Variants in PPP2R2D observed in about 807,000 individuals in gnomAD.
PPP2R2D encodes protein phosphatase 2 regulatory subunit Bdelta.
In PPP2R2D, 9 loss-of-function variants were observed where a neutral mutation model predicts 31.1. The ratio of observed to expected loss-of-function variants is 0.29; its 90% CI spans 0.17 to 0.51. The LOEUF is 0.51. Among genes scored for constraint, PPP2R2D ranks in the 20% least tolerant of loss-of-function variants. The pLI, the probability that PPP2R2D is intolerant of heterozygous loss-of-function variation, is 0.98. For missense variants in PPP2R2D, 391 were observed against 465.6 expected (o/e 0.84, Z 1.48); for synonymous variants, 179 against 172.6 (o/e 1.04, Z -0.29).
intron 2 of PPP2R2D, 115 bp downstream of exon 2, chr10:131,901,445 G>A: frequency 3.1e-6 from 1 of 327,464 alleles, no homozygotes; most frequent in Admixed American, 4.9e-5. Flanking sequence ...ATGGGGGCCG[G>A]GCGGGGCAGG....
intron 3 of PPP2R2D, 47 bp from the exon 4 acceptor site, chr10:131,939,984 C>A: frequency 1.9e-6 from 1 of 528,442 alleles, no homozygotes. Context: ...GAAATTTTCT[C>A]TACACTGTGC....
chr10:131,912,368 G>C (rs1589923579), intron 2 of PPP2R2D: 1 of 152,180 alleles, frequency 6.6e-6, no homozygotes, highest in Non-Finnish European at 1.5e-5. Flanking sequence ...TCTATTTTTT[G>C]TAGAGACAGG....
At chr10:131,970,265 AGACCCTCCACCTACAGCAGAGCTGGGT>A in the PPP2R2D span, 1 of 207,076 alleles carries the variant, frequency 4.8e-6, no homozygotes, top group Non-Finnish European at 9.5e-6. The surrounding 1 kb of genome is among the most constrained non-coding windows in gnomAD (Gnocchi z 4.1). Context: ...CAGGTAACTG[AGACCCTCCACCTACAGCAGAGCTGGGT>A]GCATTCCCGC....
At position 131,953,252 on chromosome 10, in the gene PPP2R2D, G is replaced by C. The variant is rs1389190566; in HGVS notation, c.1083-2432G>C. The stretch of plus-strand genomic sequence containing the variant: ...TTCACTGTCTTAGCAGTGACTTGCG[G>C]GGGGGTCCCTGTCTTAGCAGTGACT... On this transcript the variant is annotated intron_variant, in intron 8 of 8. Coordinates refer to ENST00000455566, the MANE Select transcript of PPP2R2D (RefSeq NM_018461.5). Among the ~76,000 whole-genome samples, 4 of 104,428 alleles carry C rather than the reference G, an allele frequency of 3.8e-5. No individual in the cohort carries two copies. The East Asian group carries it at 1.4e-3, about 36-fold the overall frequency. 68.5% of individuals were successfully genotyped at this position (104,428 alleles called of 152,430 possible).
At chr10:131,908,495 G>A (rs2035632979) in intron 2 of PPP2R2D, among the ~76,000 whole-genome samples, 1 of 152,124 alleles carries the variant, frequency 6.6e-6, no homozygotes, top group Non-Finnish European at 1.5e-5. Flanking sequence ...TTTATCACAT[G>A]TATTATTAGG....
intron 5 of PPP2R2D, 120 bp downstream of exon 5, chr10:131,940,814 G>C (rs913067975): frequency 5.1e-6 from 3 of 587,240 alleles, no homozygotes; most frequent in Non-Finnish European, 9.3e-6. Flanking sequence ...GGTCTGCCTC[G>C]TGATTCCTGA....
At chr10:131,905,585 G>A (rs1056212844) in intron 2 of PPP2R2D, among the ~76,000 whole-genome samples, 1 of 152,174 alleles carries the variant, frequency 6.6e-6, no homozygotes, top group Admixed American at 6.5e-5. Flanking sequence ...GTTGCTGAGT[G>A]GTCATTCTGT....
At chr10:131,917,812 G>GTGTT (rs1247706037) in intron 2 of PPP2R2D, among the ~76,000 whole-genome samples, 5 of 116,714 alleles carry the variant, frequency 4.3e-5, no homozygotes, top group South Asian at 3.6e-4. Context: ...GAATGACACA[G>GTGTT]TGTAGGGACC....
intron 2 of PPP2R2D, among the ~76,000 whole-genome samples, chr10:131,904,071 G>C (rs1269581804): frequency 1.3e-5 from 2 of 152,302 alleles, no homozygotes; most frequent in South Asian, 2.1e-4. Flanking sequence ...AGGCGTGGCA[G>C]GGCCGGCCTG....
chr10:131,953,461 G>A (rs570288233), intron 8 of PPP2R2D, among the ~76,000 whole-genome samples: 98 of 113,918 alleles, frequency 8.6e-4, no homozygotes, highest in African/African-American at 3.2e-3. Context: ...GGTGTGCGGG[G>A]GTTCACTGTC....
intron 2 of PPP2R2D, among the ~76,000 whole-genome samples, chr10:131,921,689 G>T (rs1489403424): frequency 6.6e-6 from 1 of 152,166 alleles, no homozygotes; most frequent in Non-Finnish European, 1.5e-5. Flanking sequence ...GTGTGCGGAG[G>T]TGGGCTGGAA....
intron 2 of PPP2R2D, among the ~76,000 whole-genome samples, chr10:131,906,758 CAAAAAAAAA>C (rs879099384): frequency 2.0e-5 from 2 of 101,766 alleles, no homozygotes; most frequent in South Asian, 3.3e-4. Flanking sequence ...TTGTCTCTAC[CAAAAAAAAA>C]AAAAAAAGAA....
rs1285535711 is a variant in PPP2R2D, at chr10:131,958,674, G to A, written c.*2711G>A. On this transcript the variant is annotated 3_prime_UTR_variant, in exon 9 of 9. Transcript: ENST00000455566. ...CATCCCCCTGTGGAGATGAAGATGT[G>A]TGCTGATCCCCCGTCCTCCTGTGGA... 43 of 248,906 alleles carry A rather than the reference G, an allele frequency of 1.7e-4. No individual in the cohort carries two copies. Among genetic ancestry groups the A allele is most frequent in the Admixed American group, 4.8e-4 (8 of 16,756 alleles). 15.4% of individuals were successfully genotyped at this position (248,906 alleles called of 1,614,324 possible).
At chr10:131,904,077 G>A (rs2035543772) in intron 2 of PPP2R2D, among the ~76,000 whole-genome samples, 1 of 152,242 alleles carries the variant, frequency 6.6e-6, no homozygotes, top group East Asian at 1.9e-4. Flanking sequence ...GGCAGGGCCG[G>A]CCTGTAATTC....
intron 2 of PPP2R2D, among the ~76,000 whole-genome samples, chr10:131,908,574 T>C (rs1040121567): frequency 3.3e-5 from 5 of 152,232 alleles, no homozygotes; most frequent in African/African-American, 9.6e-5. Context: ...TGGAGAGGAA[T>C]TGTGCACGTG....
chr10:131,926,124 C>T (rs2036100660), intron 2 of PPP2R2D, among the ~76,000 whole-genome samples: 1 of 152,206 alleles, frequency 6.6e-6, no homozygotes. Flanking sequence ...ATTTGGCTGT[C>T]TCCTGCCTCT....
chr10:131,907,689 G>A (rs1302807098), intron 2 of PPP2R2D, among the ~76,000 whole-genome samples: 1 of 151,534 alleles, frequency 6.6e-6, no homozygotes, highest in African/African-American at 2.4e-5. Context: ...CTTGCAGTGA[G>A]CGGAGATCAC....
At chr10:131,941,110 A>T (rs1011511713) in intron 5 of PPP2R2D, among the ~76,000 whole-genome samples, 3 of 151,782 alleles carry the variant, frequency 2.0e-5, no homozygotes, top group Admixed American at 6.6e-5. Flanking sequence ...TACATTCAGG[A>T]CGCTTCTCGG....
chr10:131,944,697 C>A (rs1482041481), intron 6 of PPP2R2D, among the ~76,000 whole-genome samples: 1 of 152,192 alleles, frequency 6.6e-6, no homozygotes, highest in African/African-American at 2.4e-5. Flanking sequence ...GTGGCTTGAG[C>A]TGGGGTTCCA....
Sources: allele counts gnomAD v4.1 joint callset (sites outside exome capture counted in the v4.1 genomes callset), GRCh38; gene constraint gnomAD v4.1.1; non-coding constraint Gnocchi (gnomAD v3.1); transcripts MANE v1.5; gene names NCBI Gene and HGNC (gene_info 2026-07-23, HGNC 2026-07-21).